INPP5D: variants seen among roughly 807,000 people sequenced by gnomAD.
INPP5D encodes the protein inositol polyphosphate-5-phosphatase D.
Under a neutral mutation model 122.9 loss-of-function variants are expected in INPP5D, and 33 were observed. The ratio of observed to expected loss-of-function variants is 0.27; its 90% CI spans 0.20 to 0.36. INPP5D has a LOEUF of 0.36. Ranked by LOEUF, INPP5D falls within the 10% of genes least tolerant of loss-of-function variation. INPP5D has a pLI of 1.00. For missense variants in INPP5D, 1,053 were observed against 1,412.7 expected, an observed-to-expected ratio of 0.75 and a Z score of 4.08; for synonymous variants, 584 against 576.2, an observed-to-expected ratio of 1.01 and a Z score of -0.19.
intron 2 of INPP5D, among the ~76,000 whole-genome samples, chr2:233,088,133 C>T (rs925133082): frequency 5.9e-5 from 9 of 152,028 alleles, no homozygotes; most frequent in African/African-American, 2.2e-4. Flanking sequence ...GCACCACCAC[C>T]CCCGACTAAT....
intron 13 of INPP5D, among the ~76,000 whole-genome samples, chr2:233,165,013 T>C (rs374304028): frequency 6.6e-6 from 1 of 152,056 alleles, no homozygotes; most frequent in African/African-American, 2.4e-5. Context: ...CAGTGGAGAG[T>C]TGCTGGCTTC....
chr2:233,163,016 G>A (rs1288899393), intron 11 of INPP5D, among the ~76,000 whole-genome samples: 3 of 152,164 alleles, frequency 2.0e-5, no homozygotes, highest in Non-Finnish European at 4.4e-5. Flanking sequence ...CGGGGGTTCG[G>A]GCACCCACTT....
chr2:233,070,768 T>G (rs1691359048), intron 1 of INPP5D, among the ~76,000 whole-genome samples: 1 of 152,060 alleles, frequency 6.6e-6, no homozygotes, highest in South Asian at 2.1e-4. Flanking sequence ...TTAATTCCAC[T>G]GGGCCCTGGT....
chr2:233,200,186 C>T (rs772701760), intron 25 of INPP5D, among the ~76,000 whole-genome samples: 9 of 152,194 alleles, frequency 5.9e-5, no homozygotes, highest in Non-Finnish European at 8.8e-5. Context: ...GACCGGGCTA[C>T]GCAGCCGAGG....
chr2:233,175,758 C>T (rs1314917420), intron 17 of INPP5D, among the ~76,000 whole-genome samples: 10 of 151,642 alleles, frequency 6.6e-5, no homozygotes, highest in Non-Finnish European at 5.9e-5. Flanking sequence ...TCTCAGCACA[C>T]CACAACCTCC....
chr2:233,130,431 G>A, intron 4 of INPP5D, 77 bp from the exon 5 acceptor site: 3 of 1,476,096 alleles, frequency 2.0e-6, no homozygotes, highest in Non-Finnish European at 2.8e-6. Flanking sequence ...ATTTGTTATT[G>A]TGGTTGCTGT....
rs2106232432 is a variant in INPP5D at position 233,100,025 on chromosome 2, C to G, written c.198+20627C>G. ...TGAGACCCATTCACTATCACGAGAA[C>G]AGAGCCGCCATAATTCAATCACCTC... On this transcript the variant is annotated intron_variant, in intron 2 of 26. Transcript: ENST00000445964. The surrounding 1 kb of genome is among the most constrained non-coding windows in gnomAD (Gnocchi z 5.3). Among the ~76,000 whole-genome samples the G allele has an allele frequency of 6.6e-6, 1 of 152,312 alleles. No homozygotes were observed. The highest frequency in any genetic ancestry group is 2.1e-4 in the South Asian group (1 of 4,818).
At chr2:233,118,941 G>A (rs538532055) in intron 2 of INPP5D, among the ~76,000 whole-genome samples, 65 of 152,342 alleles carry the variant, frequency 4.3e-4, no homozygotes, top group African/African-American at 1.5e-3. Flanking sequence ...CTGGGAGCGG[G>A]CCAGGCACAC....
In INPP5D at chr2:233,180,819, G is replaced by A. The variant is rs191645270; in HGVS notation, c.2072-1591G>A. Among the ~76,000 whole-genome samples, 334 of 128,384 alleles carry A rather than the reference G, an allele frequency of 2.6e-3. 24 individuals are homozygous for A. The highest frequency in any genetic ancestry group is 6.6e-3 in the South Asian group (26 of 3,918). The allele number at this position is 128,384 out of a possible 152,430, so 84.2% of individuals were successfully genotyped here. On this transcript the variant is annotated intron_variant, in intron 18 of 26. Transcript: ENST00000445964. Reference sequence around the variant, plus strand: ...CTCCCAAAGTGCTGGGATTACATGCGCCCACCACCATGCCCAGCTAATTTT... The same window carrying A: ...CTCCCAAAGTGCTGGGATTACATGCACCCACCACCATGCCCAGCTAATTTT...
chr2:233,143,680 G>A (rs1693675777), intron 6 of INPP5D, among the ~76,000 whole-genome samples: 2 of 152,248 alleles, frequency 1.3e-5, no homozygotes, highest in Non-Finnish European at 2.9e-5. Flanking sequence ...GTTAGAGAAA[G>A]CACTGACAAT....
intron 2 of INPP5D, among the ~76,000 whole-genome samples, chr2:233,080,193 G>A (rs1691637216): frequency 6.6e-6 from 1 of 152,112 alleles, no homozygotes; most frequent in South Asian, 2.1e-4. Context: ...GCCTCCCAAA[G>A]TTCTGGGATT....
intron 2 of INPP5D, among the ~76,000 whole-genome samples, chr2:233,104,873 T>G (rs558371803): frequency 1.3e-5 from 2 of 151,740 alleles, no homozygotes; most frequent in South Asian, 2.1e-4. Context: ...GAGAAACCAG[T>G]AAGGGAGTGG....
In INPP5D at chr2:233,189,873, T is replaced by G. The variant is rs754387213; in HGVS notation, c.2382T>G (p.Pro794=). Residue 794 remains proline (P), a synonymous_variant, in exon 22 of 27, where the codon CCT becomes CCG. Transcript: ENST00000445964. The surrounding 1 kb of genome is among the most constrained non-coding windows in gnomAD (Gnocchi z 5.6). ...LPKLKPIISD[P]EYLLDQHILI... ...AGCTGAAGCCCATTATCTCTGACCC[T>G]GAGTACCTGCTAGACCAGCACATCC... The G allele has an allele frequency of 3.7e-6, 6 of 1,613,390 alleles. No homozygotes were observed. Among genetic ancestry groups the G allele is most frequent in the Middle Eastern group, 3.3e-4 (2 of 6,076 alleles).
rs896075645 is a variant in INPP5D, at chr2:233,183,776, T to G, written c.2162-632T>G. ...GAAAGAGAAAGGAAAGAAGGAAGGA[T>G]GTGAGGGATGGAGGAAGGAAAGGTT... On this transcript the variant is annotated intron_variant, in intron 19 of 26. Coordinates refer to ENST00000445964, the MANE Select transcript of INPP5D (RefSeq NM_001017915.3). This position sits in a 1 kb window ranked among gnomAD's most constrained non-coding sequence, Gnocchi z 4.6. Among the ~76,000 whole-genome samples the G allele has an allele frequency of 6.6e-6, 1 of 152,188 alleles. No homozygotes were observed. The highest frequency in any genetic ancestry group is 1.5e-5 in the Non-Finnish European group (1 of 68,026).
In INPP5D at chr2:233,070,690, C is replaced by T. The variant is rs568114907; in HGVS notation, c.135-8645C>T. On this transcript the variant is annotated intron_variant, in intron 1 of 26. Transcript: ENST00000445964. ...ACTCCTGACCTTGTGGTCCGCTCGC[C>T]TCGGCCTCCCAAAGTGCTGGGATTA... 3.9e-5 allele frequency among the ~76,000 whole-genome samples: 6 copies of T among 152,206 alleles called. No homozygotes were observed. The East Asian group carries it at 5.8e-4, about 15-fold the overall frequency.
intron 5 of INPP5D, among the ~76,000 whole-genome samples, chr2:233,138,543 TAAAAG>T (rs1009563616): frequency 6.6e-6 from 1 of 151,978 alleles, no homozygotes; most frequent in East Asian, 1.9e-4. Context: ...TTATGTCCCT[TAAAAG>T]AGAGAGAAAG....
Position 233,170,492 on chromosome 2 carries a change from C to A in INPP5D, c.1792-4C>A, listed in dbSNP as rs1694465208. 2.5e-6 allele frequency: 4 copies of A among 1,613,666 alleles called. No homozygotes were observed. The highest frequency in any genetic ancestry group is 1.7e-4 in the Middle Eastern group (1 of 6,040). On this transcript the variant is annotated splice_polypyrimidine_tract_variant and splice_region_variant and intron_variant, in intron 15 of 26. Coordinates refer to ENST00000445964, the MANE Select transcript of INPP5D (RefSeq NM_001017915.3). The surrounding 1 kb of genome is among the most constrained non-coding windows in gnomAD (Gnocchi z 4.5). ...CCAGAGGCCCGGGCATGTTCTTGTTCCAGGAGGCAGAAACCATCATCCAGA... is the reference window on the plus strand; with the variant it reads ...CCAGAGGCCCGGGCATGTTCTTGTTACAGGAGGCAGAAACCATCATCCAGA...
chr2:233,130,123 A>G (rs1300745047), intron 4 of INPP5D, among the ~76,000 whole-genome samples: 2 of 152,168 alleles, frequency 1.3e-5, no homozygotes, highest in Non-Finnish European at 2.9e-5. Flanking sequence ...TTGAACTCCT[A>G]ACCTCAGGTG....
chr2:233,172,169 C>T (rs1694507094), intron 17 of INPP5D, among the ~76,000 whole-genome samples: 1 of 152,234 alleles, frequency 6.6e-6, no homozygotes. Context: ...TGGATAAGGT[C>T]ACCTGGCCCA....
Sources: gnomAD v4.1 joint callset for allele counts (sites outside exome capture counted in the v4.1 genomes callset) on GRCh38, gnomAD v4.1.1 for gene constraint, Gnocchi (gnomAD v3.1) non-coding constraint, MANE v1.5 for transcripts, NCBI Gene and HGNC (gene_info 2026-07-23, HGNC 2026-07-21) for gene names.